The following MCC variants were observed in gnomAD, a reference collection of about 807,000 sequenced individuals.
MCC encodes colorectal mutant cancer protein.
A neutral mutation model predicts 116.2 loss-of-function variants in MCC; 90 were observed. The ratio of observed to expected loss-of-function variants is 0.77; its 90% confidence interval spans 0.65 to 0.92. MCC has a LOEUF of 0.92. Ranked by LOEUF, MCC falls within the 40% of genes least tolerant of loss-of-function variation. The pLI, the probability that MCC is intolerant of heterozygous loss-of-function variation, is 0.00. For synonymous variants in MCC, 578 were observed against 510.5 expected, an observed-to-expected ratio of 1.13 and a Z score of -1.78; for missense variants, 1,516 against 1,312.2, an observed-to-expected ratio of 1.16 and a Z score of -2.40.
chr5:113,312,216 G>A lies in MCC; in HGVS notation c.627+28303C>T, dbSNP rs112423459. Among the ~76,000 whole-genome samples the A allele has an allele frequency of 4.6e-5, 7 of 152,244 alleles. No individual in the cohort carries two copies. In the East Asian group the frequency reaches 7.7e-4, roughly 17 times the overall value. ...CACTTGAACCTGGGAGGCAGAGGTT[G>A]CAGTGAGCTGAGATCACACCACTGC... On this transcript the variant is annotated intron_variant, in intron 3 of 18. Transcript: ENST00000408903.
chr5:113,466,653 T>C (rs1210694912), intron 1 of MCC, among the ~76,000 whole-genome samples: 1 of 152,120 alleles, frequency 6.6e-6, no homozygotes. Flanking sequence ...TACGTGTGCA[T>C]GTGTCTTTAT....
At chr5:113,083,732 T>C (rs1392544618) in intron 10 of MCC, among the ~76,000 whole-genome samples, 2 of 152,190 alleles carry the variant, frequency 1.3e-5, no homozygotes, top group African/African-American at 4.8e-5. Context: ...CACATCCCCT[T>C]TCAAGATGGA....
intron 3 of MCC, among the ~76,000 whole-genome samples, chr5:113,239,474 G>A (rs1460718067): frequency 5.3e-5 from 8 of 152,124 alleles, no homozygotes; most frequent in Admixed American, 2.6e-4. Flanking sequence ...CTGGTAAGTG[G>A]AGCAGACCTT....
chr5:113,199,294 A>T (rs911226328), intron 3 of MCC, among the ~76,000 whole-genome samples: 2 of 152,224 alleles, frequency 1.3e-5, no homozygotes, highest in African/African-American at 4.8e-5. Flanking sequence ...AGTGTAAATA[A>T]TATATAAAAC....
intron 2 of MCC, among the ~76,000 whole-genome samples, chr5:113,350,210 A>G (rs1768234765): frequency 1.3e-5 from 2 of 152,104 alleles, no homozygotes; most frequent in African/African-American, 4.8e-5. Context: ...CATACGTGAA[A>G]CCACAAAAGA....
intron 3 of MCC, among the ~76,000 whole-genome samples, chr5:113,214,212 T>C (rs1315947712): frequency 6.6e-6 from 1 of 152,142 alleles, no homozygotes; most frequent in African/African-American, 2.4e-5. Context: ...CCTCCTCTCA[T>C]TCCCCTGGTG....
intron 1 of MCC, among the ~76,000 whole-genome samples, chr5:113,407,044 A>T (rs1372869580): frequency 6.6e-6 from 1 of 152,218 alleles, no homozygotes; most frequent in Non-Finnish European, 1.5e-5. Context: ...GCAACATAAG[A>T]AGTGCTTATA....
chr5:113,417,242 A>G (rs566999202), intron 1 of MCC, among the ~76,000 whole-genome samples: 2 of 152,328 alleles, frequency 1.3e-5, no homozygotes, highest in East Asian at 3.9e-4. Context: ...TGCTGGGATT[A>G]CAGGCGTGAG....
intron 2 of MCC, among the ~76,000 whole-genome samples, chr5:113,364,726 G>A (rs1218652165): frequency 1.3e-5 from 2 of 152,194 alleles, no homozygotes; most frequent in Non-Finnish European, 2.9e-5. Flanking sequence ...TGAAATCTAG[G>A]TGGAGGCTCA....
At chr5:113,220,720 T>C (rs1763519464) in intron 3 of MCC, among the ~76,000 whole-genome samples, 1 of 152,236 alleles carries the variant, frequency 6.6e-6, no homozygotes, top group Admixed American at 6.5e-5. Context: ...CAGTTTTCTT[T>C]GTAGATACCG....
chr5:113,146,645 CA>C (rs1309577891), intron 4 of MCC, among the ~76,000 whole-genome samples: 4 of 152,112 alleles, frequency 2.6e-5, no homozygotes, highest in Admixed American at 6.5e-5. Context: ...CTTTAGCTTC[CA>C]AAGTCAATTA....
intron 1 of MCC, among the ~76,000 whole-genome samples, chr5:113,459,232 T>C (rs1771675633): frequency 1.3e-5 from 2 of 149,488 alleles, no homozygotes; most frequent in East Asian, 2.0e-4. Flanking sequence ...TGGAAAAATA[T>C]ACCTTTTGAA....
intron 7 of MCC, among the ~76,000 whole-genome samples, chr5:113,103,282 T>C (rs72803248): frequency 6.6e-6 from 1 of 152,296 alleles, no homozygotes; most frequent in Non-Finnish European, 1.5e-5. Context: ...ATCTGGAGAC[T>C]CTCATCCTAC....
At chr5:113,194,800 CTA>C (rs1421962912) in intron 3 of MCC, among the ~76,000 whole-genome samples, 1 of 152,212 alleles carries the variant, frequency 6.6e-6, no homozygotes, top group Non-Finnish European at 1.5e-5. Flanking sequence ...ATTCCTTCAT[CTA>C]TATATAGTCA....
intron 1 of MCC, among the ~76,000 whole-genome samples, chr5:113,472,139 G>A (rs970063682): frequency 9.2e-5 from 14 of 152,120 alleles, no homozygotes; most frequent in African/African-American, 3.4e-4. Context: ...GCTCTGCTTT[G>A]GCTCACGCAC....
intron 1 of MCC, among the ~76,000 whole-genome samples, chr5:113,486,810 C>G (rs1048425408): frequency 2.6e-5 from 4 of 151,110 alleles, no homozygotes; most frequent in Non-Finnish European, 5.9e-5. Flanking sequence ...CCACTGTACT[C>G]CAGCCTGGGT....
chr5:113,327,643 T>A (rs1300415607), intron 3 of MCC, among the ~76,000 whole-genome samples: 1 of 148,418 alleles, frequency 6.7e-6, no homozygotes, highest in Admixed American at 6.7e-5. Flanking sequence ...CCAATTCTTT[T>A]GTGATCATAG....
chr5:113,361,268 A>C (rs528295034), intron 2 of MCC, among the ~76,000 whole-genome samples: 2 of 146,624 alleles, frequency 1.4e-5, no homozygotes, highest in African/African-American at 2.6e-5. Context: ...TAAAAAAAAA[A>C]CCCATCTTCA....
chr5:113,191,975 A>G (rs1762171537), intron 3 of MCC, among the ~76,000 whole-genome samples: 1 of 152,170 alleles, frequency 6.6e-6, no homozygotes, highest in African/African-American at 2.4e-5. Flanking sequence ...ATGCACACCT[A>G]CCTGCTGGAT....
Sources: gnomAD v4.1 joint callset for allele counts (sites outside exome capture counted in the v4.1 genomes callset) on GRCh38, gnomAD v4.1.1 for gene constraint, MANE v1.5 for transcripts, NCBI Gene and HGNC (gene_info 2026-07-23, HGNC 2026-07-21) for gene names.